Variants in EEF2 observed in about 807,000 individuals in gnomAD.
EEF2 encodes eukaryotic translation elongation factor 2.
EEF2 carries 21 observed loss-of-function variants against 85.3 expected under a neutral mutation model. The ratio of observed to expected loss-of-function variants is 0.25; its 90% CI spans 0.17 to 0.35. EEF2 has a LOEUF of 0.35. Among genes scored for constraint, EEF2 ranks in the 10% least tolerant of loss-of-function variants. The pLI, the probability that EEF2 is intolerant of heterozygous loss-of-function variation, is 1.00. For synonymous variants in EEF2, 723 were observed against 508.8 expected (o/e 1.42, Z -5.67); for missense variants, 825 against 1,225.3 (o/e 0.67, Z 4.88).
Position 3,976,639 on chromosome 19 carries a change from G to T in EEF2, c.2492C>A (p.Pro831His). 2 of 1,610,212 alleles carry T rather than the reference G, an allele frequency of 1.2e-6. No homozygotes were observed. Among genetic ancestry groups the T allele is most frequent in the Non-Finnish European group, 1.7e-6 (2 of 1,178,704 alleles). ...PGDPFDNSSR[P>H]SQVVAETRKR... Reference sequence around the variant, plus strand: ...GCGGGTCTCCGCCACCACCTGGCTGGGGCGGCTGCTGTTGTCGAAGGGGTC... The same window carrying T: ...GCGGGTCTCCGCCACCACCTGGCTGTGGCGGCTGCTGTTGTCGAAGGGGTC... The change falls in exon 15 of 15, where the codon CCC becomes CAC. Residue 831 changes from proline (P) to histidine (H), a missense_variant. Coordinates refer to ENST00000309311, the MANE Select transcript of EEF2 (RefSeq NM_001961.4).
At position 3,978,140 on chromosome 19, in the gene EEF2, C is replaced by A; in HGVS notation, c.1746G>T (p.Thr582=). The A allele has an allele frequency of 3.4e-6, 5 of 1,467,172 alleles. No individual in the cohort carries two copies. The highest frequency in any genetic ancestry group is 4.5e-6 in the Non-Finnish European group (5 of 1,102,070). The allele number at this position is 1,467,172 out of a possible 1,614,324, so 90.9% of individuals were successfully genotyped here. A position where few individuals can be genotyped will look rare whatever the true frequency, so the allele number is the denominator to read the frequency against. The part of the protein sequence containing the change: ...KSDPVVSYRE[T]VSEESNVLCL... ...AGAGCACGTTCGACTCTTCACTGAC[C>A]GTCTCGCGGTACGAGACGACCGGGT... Residue 582 remains threonine, a synonymous_variant, in exon 12 of 15, where the codon ACG becomes ACT. Transcript: ENST00000309311.
rs1435699487 is a variant in EEF2 at position 3,977,636 on chromosome 19, A to C, written c.2068-26T>G. On this transcript the variant is annotated intron_variant, in intron 12 of 14. Transcript: ENST00000309311. The surrounding 1 kb of genome is among the most constrained non-coding windows in gnomAD (Gnocchi z 5.4). ...CTGGGGGAGGGGGAGAGCCACCGTC[A>C]AGGGCCGGACACACCTCGGCTGCTT... 2.0e-6 allele frequency: 3 copies of C among 1,500,516 alleles called. No individual in the cohort carries two copies. The highest frequency in any genetic ancestry group is 2.7e-6 in the Non-Finnish European group (3 of 1,129,380). 93.0% of individuals were successfully genotyped at this position (1,500,516 alleles called of 1,614,324 possible). A position where few individuals can be genotyped will look rare whatever the true frequency, so the allele number is the denominator to read the frequency against.
At position 3,981,804 on chromosome 19, in the gene EEF2, C is replaced by CA. The variant is rs1371566552; in HGVS notation, c.897+142dup. On this transcript the variant is annotated intron_variant, in intron 6 of 14. Coordinates refer to ENST00000309311, the MANE Select transcript of EEF2 (RefSeq NM_001961.4). The stretch of plus-strand genomic sequence containing the variant: ...TAAGAGAGGAGCCCTGACTCCACCT[C>CA]AGTTAGGAGCTGTGCCTCCTCCCAT... The CA allele has an allele frequency of 1.2e-5, 9 of 756,650 alleles. No individual in the cohort carries two copies. In the Admixed American group the frequency reaches 1.9e-4, roughly 16 times the overall value. 46.9% of individuals were successfully genotyped at this position (756,650 alleles called of 1,614,324 possible).
Position 3,982,432 on chromosome 19 carries a change from T to G in EEF2, c.613-8A>C. On this transcript the variant is annotated splice_region_variant and splice_polypyrimidine_tract_variant and intron_variant, in intron 4 of 14. Transcript: ENST00000309311. ...ACCGAGGACAGGATCGATCTGGAAG[T>G]GTGAGAAACGAGAAGCAGCCGTGAG... 6.2e-7 allele frequency: 1 copy of G among 1,613,904 alleles called. No homozygotes were observed. The highest frequency in any genetic ancestry group is 1.1e-5 in the South Asian group (1 of 91,082).
rs1374450101 is a variant in EEF2 at position 3,979,853 on chromosome 19, C to T, written c.1560G>A (p.Leu520=). The T allele has an allele frequency of 6.2e-6, 10 of 1,613,802 alleles. No individual in the cohort carries two copies. The highest frequency in any genetic ancestry group is 8.5e-6 in the Non-Finnish European group (10 of 1,180,028). ...EAKNPADLPK[L]VEGLKRLAKS... is the part of the protein sequence containing the mutation. ...TGGCCAGCCGCTTCAGCCCCTCCAC[C>T]AGCTTGGGCAGGTCAGCCGGGTTCT... The change falls in exon 10 of 15, where the codon CTG becomes CTA. Residue 520 remains leucine (L), a synonymous_variant. Transcript: ENST00000309311.
chr19:3,980,536 G>A lies in EEF2; in HGVS notation c.1324C>T (p.Leu442Phe), dbSNP rs756036052. 2.5e-6 allele frequency: 4 copies of A among 1,614,038 alleles called. No homozygotes were observed. The highest frequency in any genetic ancestry group is 3.3e-5 in the Admixed American group (2 of 59,986). Residue 442 changes from leucine (L) to phenylalanine (F), a missense_variant, in exon 9 of 15, where the codon CTC becomes TTC. Leu to Phe is a conservative substitution (Grantham distance 22). Transcript: ENST00000309311. ...PNYTPGKKED[L>F]YLKPIQRTIL... ...CACCTCTGGATTGGCTTCAGGTAGA[G>A]GTCCTCCTTCTTCCCAGGGGTATAG...
In EEF2 at chr19:3,977,241, G is replaced by A; in HGVS notation, c.2357C>T (p.Ala786Val). Reference sequence around the variant, plus strand: ...AAAGGACTCGTTGACGGGCAGATAGGCCTTGACCACAAACATGGGGGTGCC... The same window carrying A: ...AAAGGACTCGTTGACGGGCAGATAGACCTTGACCACAAACATGGGGGTGCC... ...VAGTPMFVVK[A>V]YLPVNESFGF... Residue 786 changes from alanine to valine, a missense_variant, in exon 14 of 15, where the codon GCC (alanine) becomes GTC (valine). Physicochemically the swap from Ala to Val is moderately conservative, Grantham distance 64. Coordinates refer to ENST00000309311, the MANE Select transcript of EEF2 (RefSeq NM_001961.4). This position sits in a 1 kb window ranked among gnomAD's most constrained non-coding sequence, Gnocchi z 5.4. 2 of 1,613,754 alleles carry A rather than the reference G, an allele frequency of 1.2e-6. No homozygotes were observed. The highest frequency in any genetic ancestry group is 1.7e-6 in the Non-Finnish European group (2 of 1,179,974).
At chr19:3,976,981 A>G (rs954925478) in intron 14 of EEF2, among the ~76,000 whole-genome samples, 3 of 152,194 alleles carry the variant, frequency 2.0e-5, no homozygotes, top group African/African-American at 7.2e-5. Context: ...CCCAGGGCGT[A>G]GGCCTTCAGA....
chr19:3,979,582 A>G (rs1395256084), intron 10 of EEF2, 146 bp from the exon 11 acceptor site: 5 of 916,242 alleles, frequency 5.5e-6, no homozygotes, highest in Non-Finnish European at 8.2e-6. Flanking sequence ...AAACTCCTGA[A>G]GAAATGTTAA....
At chr19:3,980,781 C>T in intron 8 of EEF2, 60 bp downstream of exon 8, 1 of 1,592,930 alleles carries the variant, frequency 6.3e-7, no homozygotes, top group Non-Finnish European at 8.6e-7. Flanking sequence ...CAACCCACAA[C>T]CTTGGGCAAC....
At chr19:3,976,867 G>C in intron 14 of EEF2, 120 bp from the exon 15 acceptor site, 1 of 1,189,686 alleles carries the variant, frequency 8.4e-7, no homozygotes, top group South Asian at 1.6e-5. Context: ...CAGACACTCG[G>C]CCTGGTGCCC....
intron 14 of EEF2, 146 bp from the exon 15 acceptor site, chr19:3,976,893 G>A: frequency 9.8e-7 from 1 of 1,023,146 alleles, no homozygotes; most frequent in Non-Finnish European, 1.4e-6. Context: ...TTCACGAAGG[G>A]CCTAGCAGGC....
At position 3,976,161 on chromosome 19, in the gene EEF2, T is replaced by G; in HGVS notation, c.*393A>C. The G allele has an allele frequency of 8.6e-6, 2 of 233,362 alleles. No individual in the cohort carries two copies. The highest frequency in any genetic ancestry group is 1.7e-5 in the Non-Finnish European group (2 of 116,888). 14.5% of individuals were successfully genotyped at this position (233,362 alleles called of 1,614,324 possible). A position where few individuals can be genotyped will look rare whatever the true frequency, so the allele number is the denominator to read the frequency against. On this transcript the variant is annotated 3_prime_UTR_variant, in exon 15 of 15. Transcript: ENST00000309311. ...GCCTGCTAGAAATCATCTACCCGCG[T>G]GTTCCTTTCCCCTTTCTGGGGCAAA...
chr19:3,981,111 G>C, intron 7 of EEF2, 132 bp from the exon 8 acceptor site: 1 of 1,412,480 alleles, frequency 7.1e-7, no homozygotes, highest in Non-Finnish European at 9.4e-7. Flanking sequence ...GTCCCTTCTG[G>C]AAGGCGGCAA....
chr19:3,983,353 G>C, intron 2 of EEF2, 62 bp from the exon 3 acceptor site: 1 of 1,541,972 alleles, frequency 6.5e-7, no homozygotes, highest in Non-Finnish European at 8.8e-7. Context: ...GGGAGTCTGG[G>C]ATGCTGTCAG....
At position 3,979,389 on chromosome 19, in the gene EEF2, C is replaced by T. The variant is rs1411866322; in HGVS notation, c.1653G>A (p.Glu551=). ...CCTTCAGGCAGATCTCCAGGTGCAG[C>T]TCGCCGGCGCCCGCGATGATATGCT... The part of the protein sequence containing the change: ...SGEHIIAGAG[E]LHLEICLKDL... Residue 551 remains glutamate, a synonymous_variant, in exon 11 of 15, where the codon GAG becomes GAA. Coordinates refer to ENST00000309311, the MANE Select transcript of EEF2 (RefSeq NM_001961.4). 8 of 1,614,002 alleles carry T rather than the reference C, an allele frequency of 5.0e-6. No individual in the cohort carries two copies. Among genetic ancestry groups the T allele is most frequent in the South Asian group, 1.1e-5 (1 of 91,082 alleles).
Position 3,984,190 on chromosome 19 carries a change from C to T in EEF2, c.164G>A (p.Arg55His). Residue 55 changes from arginine to histidine, a missense_variant, in exon 2 of 15, where the codon CGC (arginine) becomes CAC (histidine). Transcript: ENST00000309311. The part of the protein sequence containing the change: ...IIASARAGET[R>H]FTDTRKDEQE... Reference sequence around the variant, plus strand: ...CTCGTCCTTCCGGGTATCAGTGAAGCGTGTCTCCCCGGCCCGGGCCGAGGC... The same window carrying T: ...CTCGTCCTTCCGGGTATCAGTGAAGTGTGTCTCCCCGGCCCGGGCCGAGGC... 6.2e-7 allele frequency: 1 copy of T among 1,614,080 alleles called. No individual in the cohort carries two copies. Among genetic ancestry groups the T allele is most frequent in the South Asian group, 1.1e-5 (1 of 91,082 alleles).
chr19:3,980,770 G>A (rs961514278), intron 8 of EEF2, 61 bp from the exon 9 acceptor site: 14 of 1,595,770 alleles, frequency 8.8e-6, no homozygotes, highest in African/African-American at 5.4e-5. Flanking sequence ...CTGGAACCCT[G>A]CAACCCACAA....
At chr19:3,985,020 T>C (rs143179321) in intron 1 of EEF2, 3,845 of 307,782 alleles carry the variant, frequency 0.012, 44 homozygotes, top group Middle Eastern at 0.025. Flanking sequence ...AGAAAATCGA[T>C]CTCAAACTCG....
Sources: gnomAD v4.1 joint callset for allele counts (sites outside exome capture counted in the v4.1 genomes callset) on GRCh38, gnomAD v4.1.1 for gene constraint, Gnocchi (gnomAD v3.1) non-coding constraint, MANE v1.5 for transcripts, NCBI Gene and HGNC (gene_info 2026-07-23, HGNC 2026-07-21) for gene names.